Variants in INTS8 observed in about 807,000 individuals in gnomAD.
The protein encoded by INTS8 is integrator complex subunit 8, also known as protein kaonashi-1.
Under a neutral mutation model 138.9 loss-of-function variants are expected in INTS8, and 47 were observed. The ratio of observed to expected loss-of-function variants is 0.34; its 90% CI spans 0.27 to 0.43. The LOEUF is 0.43. Among genes scored for constraint, INTS8 ranks in the 20% least tolerant of loss-of-function variants. INTS8 has a pLI of 1.00. For missense variants in INTS8, 996 were observed against 1,173.0 expected (o/e 0.85, Z 2.20); for synonymous variants, 392 against 400.9 (o/e 0.98, Z 0.27).
chr8:94,859,410 G>A lies in INTS8; in HGVS notation c.1955-101G>A, dbSNP rs377143484. 4.1e-5 allele frequency: 49 copies of A among 1,193,950 alleles called. 1 individual carries two copies. Among genetic ancestry groups the A allele is most frequent in the Middle Eastern group, 2.6e-4 (1 of 3,896 alleles). 74.0% of individuals were successfully genotyped at this position (1,193,950 alleles called of 1,614,324 possible). On this transcript the variant is annotated intron_variant, in intron 15 of 26. Coordinates refer to ENST00000523731, the MANE Select transcript of INTS8 (RefSeq NM_017864.4). ...ATTACAGGTGTGAGCCACCATACCC[G>A]TCCTGTTTTTTTATTCAGTTGAAAT...
chr8:94,847,194 C>T (rs1256288622), intron 10 of INTS8, among the ~76,000 whole-genome samples: 1 of 152,128 alleles, frequency 6.6e-6, no homozygotes, highest in Non-Finnish European at 1.5e-5. Flanking sequence ...CACCCACCAC[C>T]ATGCCCAGCT....
chr8:94,880,864 T>C lies in INTS8; in HGVS notation c.*630T>C. 2.5e-6 allele frequency: 1 copy of C among 398,738 alleles called. No individual in the cohort carries two copies. The highest frequency in any genetic ancestry group is 3.6e-5 in the East Asian group (1 of 28,000). The allele number at this position is 398,738 out of a possible 1,614,324, so 24.7% of individuals were successfully genotyped here. A position where few individuals can be genotyped will look rare whatever the true frequency, so the allele number is the denominator to read the frequency against. ...TAAGTTTTTCACCCAAATTGTGATA[T>C]ACAAAAAGGTTATTACCAAGCAACC... On this transcript the variant is annotated 3_prime_UTR_variant, in exon 27 of 27. Transcript: ENST00000523731.
chr8:94,823,630 C>T (rs1814365623), intron 1 of INTS8, 69 bp downstream of exon 1: 11 of 1,273,168 alleles, frequency 8.6e-6, no homozygotes, highest in Non-Finnish European at 9.6e-6. Context: ...CTTCCCTCCG[C>T]TCCCCGCCTT....
At position 94,873,520 on chromosome 8, in the gene INTS8, A is replaced by G. The variant is rs372028070; in HGVS notation, c.2637+43A>G. The G allele has an allele frequency of 6.3e-6, 8 of 1,265,598 alleles. No homozygotes were observed. In the East Asian group the frequency reaches 6.9e-5, roughly 11 times the overall value. 78.4% of individuals were successfully genotyped at this position (1,265,598 alleles called of 1,614,324 possible). A position where few individuals can be genotyped will look rare whatever the true frequency, so the allele number is the denominator to read the frequency against. ...GCTGGCTGGTTTCTTGCCTACCTGT[A>G]TATGTTCTTCCTGGGTCCCCTTTTG... On this transcript the variant is annotated intron_variant, in intron 22 of 26. Transcript: ENST00000523731.
chr8:94,869,549 G>A (rs1301760001), intron 20 of INTS8, among the ~76,000 whole-genome samples: 4 of 151,902 alleles, frequency 2.6e-5, no homozygotes, highest in African/African-American at 7.3e-5. Flanking sequence ...CTGGAGTGCA[G>A]TGGCATGATC....
At chr8:94,830,550 T>A (rs1814675506) in intron 5 of INTS8, among the ~76,000 whole-genome samples, 1 of 152,186 alleles carries the variant, frequency 6.6e-6, no homozygotes, top group Non-Finnish European at 1.5e-5. Flanking sequence ...CAGGCTACAG[T>A]GCAGTGGCCT....
chr8:94,874,735 T>C, intron 23 of INTS8, 133 bp downstream of exon 23: 1 of 533,430 alleles, frequency 1.9e-6, no homozygotes, highest in Admixed American at 3.7e-5. Flanking sequence ...GAGTTTGGCA[T>C]ATTCTTTAAA....
chr8:94,842,267 C>A, intron 9 of INTS8, 80 bp from the exon 10 acceptor site: 1 of 903,786 alleles, frequency 1.1e-6, no homozygotes, highest in Non-Finnish European at 1.6e-6. Context: ...ATGGCTCATT[C>A]TTGTGAATAT....
At chr8:94,867,071 G>A in intron 18 of INTS8, 69 bp from the exon 19 acceptor site, 1 of 1,165,510 alleles carries the variant, frequency 8.6e-7, no homozygotes, top group Non-Finnish European at 1.2e-6. Context: ...ATGTCTGTGA[G>A]GTTGACAGGA....
chr8:94,826,616 A>G (rs1814513837), intron 2 of INTS8, among the ~76,000 whole-genome samples: 2 of 152,290 alleles, frequency 1.3e-5, no homozygotes, highest in South Asian at 4.1e-4. Flanking sequence ...TAATATTGTG[A>G]TTATGTTAAG....
chr8:94,839,262 G>A (rs80030201), intron 8 of INTS8, among the ~76,000 whole-genome samples: 7,340 of 152,178 alleles, frequency 0.048, 235 homozygotes, highest in Middle Eastern at 0.065. Flanking sequence ...TTTATTGTGC[G>A]CGCCCCACCC....
rs1306452750 is a variant in INTS8, at chr8:94,867,466, TCTCTA to T, written c.2414+130_2414+134del. 1.3e-5 allele frequency: 9 copies of T among 667,730 alleles called. No homozygotes were observed. In the African/African-American group the frequency reaches 1.6e-4, roughly 12 times the overall value. The allele number at this position is 667,730 out of a possible 1,614,324, so 41.4% of individuals were successfully genotyped here. ...TCTAAGATTCTACAGTCTTTGTGTT[TCTCTA>T]TTATGATAATGATAATTATCTTCCT... is the stretch of plus-strand genomic sequence containing the variant. On this transcript the variant is annotated intron_variant, in intron 20 of 26. Coordinates refer to ENST00000523731, the MANE Select transcript of INTS8 (RefSeq NM_017864.4).
intron 12 of INTS8, among the ~76,000 whole-genome samples, chr8:94,851,190 C>T (rs1325519991): frequency 6.6e-6 from 1 of 152,048 alleles, no homozygotes; most frequent in Non-Finnish European, 1.5e-5. Flanking sequence ...TTTATATATG[C>T]TTCTGTTAAC....
rs376203570 is a variant in INTS8 at position 94,846,837 on chromosome 8, GTC to G, written c.1261-2623_1261-2622del. 4.1e-3 allele frequency among the ~76,000 whole-genome samples: 629 copies of G among 152,176 alleles called. 2 individuals carry two copies. Among genetic ancestry groups the G allele is most frequent in the African/African-American group, 0.014 (579 of 41,516 alleles). On this transcript the variant is annotated intron_variant, in intron 10 of 26. Coordinates refer to ENST00000523731, the MANE Select transcript of INTS8 (RefSeq NM_017864.4). The stretch of plus-strand genomic sequence containing the variant: ...AGATTGTATTAAATGCTTTTTCTGT[GTC>G]TGTTGAAATGGTCACATAATTTCTC...
At chr8:94,850,595 G>T (rs1815501883) in intron 12 of INTS8, among the ~76,000 whole-genome samples, 1 of 132,396 alleles carries the variant, frequency 7.6e-6, no homozygotes. Context: ...CTGGGTGACA[G>T]AGCGAGACTC....
At chr8:94,846,586 T>C (rs1346355448) in intron 10 of INTS8, among the ~76,000 whole-genome samples, 1 of 152,216 alleles carries the variant, frequency 6.6e-6, no homozygotes, top group Non-Finnish European at 1.5e-5. Flanking sequence ...TTTTTACTTA[T>C]TCTTAATGTG....
intron 16 of INTS8, among the ~76,000 whole-genome samples, chr8:94,862,207 G>A (rs112740041): frequency 0.011 from 1,732 of 152,286 alleles, 30 homozygotes; most frequent in African/African-American, 0.04. Flanking sequence ...CTCCCAAAGT[G>A]CTGGGATTAC....
chr8:94,879,604 C>CA (rs1405330188), intron 26 of INTS8, among the ~76,000 whole-genome samples: 1 of 110,050 alleles, frequency 9.1e-6, no homozygotes, highest in South Asian at 3.2e-4. Flanking sequence ...TCAAAAAAAA[C>CA]AAAAAACAAA....
intron 22 of INTS8, 52 bp downstream of exon 22, chr8:94,873,529 T>A: frequency 8.6e-7 from 1 of 1,164,592 alleles, no homozygotes. Context: ...TATATGTTCT[T>A]CCTGGGTCCC....
Sources: allele counts gnomAD v4.1 joint callset (sites outside exome capture counted in the v4.1 genomes callset), GRCh38; gene constraint gnomAD v4.1.1; transcripts MANE v1.5; gene names NCBI Gene and HGNC (gene_info 2026-07-23, HGNC 2026-07-21).